The following RAB35 variants were observed in gnomAD, a reference collection of about 807,000 sequenced individuals.
RAB35 encodes the protein ras-related protein Rab-35.
Under a neutral mutation model 28.9 loss-of-function variants are expected in RAB35, and 4 were observed. The observed-to-expected ratio is 0.14, with a 90% CI of 0.07 to 0.32. The LOEUF is 0.32. RAB35 is among the 10% of genes least tolerant of loss of function. The pLI, the probability that RAB35 is intolerant of heterozygous loss-of-function variation, is 1.00. For synonymous variants in RAB35, 99 were observed against 105.1 expected (o/e 0.94, Z 0.35); for missense variants, 128 against 274.0 (o/e 0.47, Z 3.76).
Position 120,097,210 on chromosome 12 carries a change from A to C in RAB35, c.*35T>G. On this transcript the variant is annotated 3_prime_UTR_variant, in exon 6 of 6. Transcript: ENST00000229340. Reference sequence around the variant, plus strand: ...CCGTGGGCCTCGGGCTGGGGGAGGGACCGCAGTGCAGTCTCTGCAGTGGAC... The same window carrying C: ...CCGTGGGCCTCGGGCTGGGGGAGGGCCCGCAGTGCAGTCTCTGCAGTGGAC... 1 of 1,614,096 alleles carries C rather than the reference A, an allele frequency of 6.2e-7. No individual in the cohort carries two copies. Among genetic ancestry groups the C allele is most frequent in the East Asian group, 2.2e-5 (1 of 44,884 alleles).
intron 2 of RAB35, among the ~76,000 whole-genome samples, chr12:120,106,313 G>C (rs991558993): frequency 6.6e-6 from 1 of 152,120 alleles, no homozygotes; most frequent in Non-Finnish European, 1.5e-5. Context: ...ACAAATAGCT[G>C]GTATTTATTG....
At chr12:120,108,542 G>T in intron 1 of RAB35, 75 bp from the exon 2 acceptor site, 1 of 1,407,812 alleles carries the variant, frequency 7.1e-7, no homozygotes, top group Non-Finnish European at 1.0e-6. Flanking sequence ...TCTTCCGGGA[G>T]AGGATGCCTC....
chr12:120,112,689 A>G (rs960584730), intron 1 of RAB35, among the ~76,000 whole-genome samples: 1 of 151,228 alleles, frequency 6.6e-6, no homozygotes, highest in Non-Finnish European at 1.5e-5. Flanking sequence ...TCGGCCTCCC[A>G]AAGTGCTGGG....
At chr12:120,104,534 G>C (rs2139053870) in intron 2 of RAB35, among the ~76,000 whole-genome samples, 1 of 152,344 alleles carries the variant, frequency 6.6e-6, no homozygotes, top group East Asian at 1.9e-4. Flanking sequence ...CCACTTCCAA[G>C]AACGTGGACT....
At chr12:120,111,660 G>A (rs1175025246) in intron 1 of RAB35, among the ~76,000 whole-genome samples, 6 of 150,922 alleles carry the variant, frequency 4.0e-5, no homozygotes, top group East Asian at 2.0e-4. Context: ...CAGCCTGGGC[G>A]ACAGAGCGAG....
chr12:120,099,258 G>A (rs1272076124), intron 3 of RAB35, 104 bp from the exon 4 acceptor site: 2 of 1,484,650 alleles, frequency 1.3e-6, no homozygotes, highest in Non-Finnish European at 1.8e-6. Flanking sequence ...AAAGGTGAGG[G>A]TGGCCCTGGA....
chr12:120,112,729 C>T (rs1245916019), intron 1 of RAB35, among the ~76,000 whole-genome samples: 1 of 142,592 alleles, frequency 7.0e-6, no homozygotes, highest in Non-Finnish European at 1.5e-5. Context: ...GTGCCTGGAC[C>T]TTTTTTTTTT....
chr12:120,097,439 G>A, intron 5 of RAB35, 66 bp from the exon 6 acceptor site: 1 of 1,384,380 alleles, frequency 7.2e-7, no homozygotes, highest in South Asian at 1.3e-5. Flanking sequence ...GGCCTGCACG[G>A]CTGCCTCCCC....
In RAB35 at chr12:120,116,750, G is replaced by T. The variant is rs1876360811; in HGVS notation, c.-100C>A. On this transcript the variant is annotated 5_prime_UTR_variant, in exon 1 of 6. Coordinates refer to ENST00000229340, the MANE Select transcript of RAB35 (RefSeq NM_006861.7). The stretch of plus-strand genomic sequence containing the variant: ...TCCGGCAGCGGCGGATCCACTTCCC[G>T]AACAAACAGCCGGAACTGACAGAAA... 1.7e-6 allele frequency: 2 copies of T among 1,185,450 alleles called. No individual in the cohort carries two copies. Among genetic ancestry groups the T allele is most frequent in the South Asian group, 4.2e-5 (1 of 23,874 alleles). The allele number at this position is 1,185,450 out of a possible 1,614,324, so 73.4% of individuals were successfully genotyped here.
chr12:120,101,381 T>G (rs1875650332), intron 3 of RAB35, among the ~76,000 whole-genome samples: 1 of 152,122 alleles, frequency 6.6e-6, no homozygotes, highest in Admixed American at 6.5e-5. Context: ...GCCTTCCTTG[T>G]CACTTCTCCC....
chr12:120,095,251 G>A lies in RAB35; in HGVS notation c.*1994C>T, dbSNP rs752001840. On this transcript the variant is annotated 3_prime_UTR_variant, in exon 6 of 6. Coordinates refer to ENST00000229340, the MANE Select transcript of RAB35 (RefSeq NM_006861.7). ...CACTAGGACGTCGGTCCAGCCCTGA[G>A]TCCCCACCCCCACCCCATAACCCCC... 11 of 152,474 alleles carry A rather than the reference G, an allele frequency of 7.2e-5. No individual in the cohort carries two copies. The highest frequency in any genetic ancestry group is 1.5e-4 in the Non-Finnish European group (10 of 68,042). The allele number at this position is 152,474 out of a possible 1,614,324, so 9.4% of individuals were successfully genotyped here. A position where few individuals can be genotyped will look rare whatever the true frequency, so the allele number is the denominator to read the frequency against.
Position 120,096,600 on chromosome 12 carries a change from C to T in RAB35, c.*645G>A. 4 of 1,289,884 alleles carry T rather than the reference C, an allele frequency of 3.1e-6. No homozygotes were observed. Among genetic ancestry groups the T allele is most frequent in the Non-Finnish European group, 2.0e-6 (2 of 988,890 alleles). The allele number at this position is 1,289,884 out of a possible 1,614,324, so 79.9% of individuals were successfully genotyped here. A position where few individuals can be genotyped will look rare whatever the true frequency, so the allele number is the denominator to read the frequency against. ...GGCCAAAGGGCAAGACCTGCCACCTCTGTGGAACTGCAGGGCCTGCCTTGA... is the reference window on the plus strand; with the variant it reads ...GGCCAAAGGGCAAGACCTGCCACCTTTGTGGAACTGCAGGGCCTGCCTTGA... On this transcript the variant is annotated 3_prime_UTR_variant, in exon 6 of 6. Coordinates refer to ENST00000229340, the MANE Select transcript of RAB35 (RefSeq NM_006861.7).
Position 120,096,204 on chromosome 12 carries a change from C to T in RAB35, c.*1041G>A, listed in dbSNP as rs1875382125. On this transcript the variant is annotated 3_prime_UTR_variant, in exon 6 of 6. Transcript: ENST00000229340. ...TCCTGACCTCCAGTGGGAGGCAACT[C>T]GGACAAGGGTGGGAGGCCCCTTCTC... 8.3e-6 allele frequency: 3 copies of T among 359,412 alleles called. No individual in the cohort carries two copies. Among genetic ancestry groups the T allele is most frequent in the African/African-American group, 2.1e-5 (1 of 46,616 alleles). 22.3% of individuals were successfully genotyped at this position (359,412 alleles called of 1,614,324 possible).
chr12:120,104,326 T>C (rs1009776153), intron 2 of RAB35, among the ~76,000 whole-genome samples: 4 of 152,074 alleles, frequency 2.6e-5, no homozygotes, highest in African/African-American at 9.7e-5. Flanking sequence ...TTCTTTTCTA[T>C]TCAAGTCAAA....
chr12:120,108,359 G>T, intron 2 of RAB35, 58 bp downstream of exon 2: 1 of 1,509,398 alleles, frequency 6.6e-7, no homozygotes, highest in Non-Finnish European at 9.2e-7. Context: ...TGCCAGGGAG[G>T]GGATGTCAAC....
intron 2 of RAB35, 94 bp downstream of exon 2, chr12:120,108,323 C>A (rs558562700): frequency 1.5e-5 from 20 of 1,307,652 alleles, no homozygotes; most frequent in South Asian, 6.2e-5. Context: ...CAGTTCCCAA[C>A]ATCAGGCAGA....
At chr12:120,113,713 G>T (rs891482891) in intron 1 of RAB35, among the ~76,000 whole-genome samples, 6 of 152,038 alleles carry the variant, frequency 3.9e-5, no homozygotes, top group African/African-American at 1.4e-4. Flanking sequence ...ACCTACTCGG[G>T]AGGCTGAGGC....
chr12:120,113,940 A>T (rs1876227949), intron 1 of RAB35, among the ~76,000 whole-genome samples: 2 of 152,236 alleles, frequency 1.3e-5, no homozygotes, highest in African/African-American at 4.8e-5. Flanking sequence ...CTCTAGATTT[A>T]TGAAGAAAGA....
rs1004350171 is a variant in RAB35 at position 120,095,223 on chromosome 12, G to A, written c.*2022C>T. 5.2e-5 allele frequency: 8 copies of A among 152,470 alleles called. No individual in the cohort carries two copies. The highest frequency in any genetic ancestry group is 1.0e-4 in the Non-Finnish European group (7 of 68,030). 9.4% of individuals were successfully genotyped at this position (152,470 alleles called of 1,614,324 possible). A position where few individuals can be genotyped will look rare whatever the true frequency, so the allele number is the denominator to read the frequency against. On this transcript the variant is annotated 3_prime_UTR_variant, in exon 6 of 6. Transcript: ENST00000229340. ...TTGTTTGACAGGAATTTCACATCAG[G>A]TCCACTAGGACGTCGGTCCAGCCCT...
Sources: gnomAD v4.1 joint callset for allele counts (sites outside exome capture counted in the v4.1 genomes callset) on GRCh38, gnomAD v4.1.1 for gene constraint, MANE v1.5 for transcripts, NCBI Gene and HGNC (gene_info 2026-07-23, HGNC 2026-07-21) for gene names.